The following PHF20 variants were observed in gnomAD, a reference collection of about 807,000 sequenced individuals.
PHF20 encodes PHD finger protein 20.
PHF20 carries 23 observed loss-of-function variants against 113.5 expected under a neutral mutation model. The observed-to-expected ratio is 0.20, with a 90% CI of 0.15 to 0.29. The LOEUF (loss-of-function observed/expected upper bound fraction) is 0.29, where lower values mean the gene tolerates loss of function less well. PHF20 is among the 10% of genes least tolerant of loss of function. PHF20 has a pLI of 1.00. For missense variants in PHF20, 943 were observed against 1,219.6 expected (o/e 0.77, Z 3.38); for synonymous variants, 434 against 457.3 (o/e 0.95, Z 0.65).
intron 1 of PHF20, among the ~76,000 whole-genome samples, chr20:35,792,420 CT>C (rs1453088825): frequency 2.8e-4 from 43 of 151,816 alleles, no homozygotes; most frequent in Non-Finnish European, 3.2e-4. Flanking sequence ...AACTACTGAA[CT>C]CTGGTGATCC....
At chr20:35,838,791 C>T (rs1406988768) in intron 2 of PHF20, among the ~76,000 whole-genome samples, 1 of 150,210 alleles carries the variant, frequency 6.7e-6, no homozygotes, top group Non-Finnish European at 1.5e-5. Context: ...TGTTCAAGAC[C>T]AGCCTGGGCA....
At chr20:35,905,733 C>T (rs2055190681) in intron 10 of PHF20, among the ~76,000 whole-genome samples, 3 of 152,266 alleles carry the variant, frequency 2.0e-5, no homozygotes, top group South Asian at 2.1e-4. Context: ...GACCAGAAGC[C>T]GGGAAGAGGA....
intron 2 of PHF20, among the ~76,000 whole-genome samples, chr20:35,840,447 G>T (rs903960390): frequency 1.3e-5 from 2 of 152,108 alleles, no homozygotes; most frequent in African/African-American, 4.8e-5. Context: ...AGGATTTAAC[G>T]TGGGGAATTG....
intron 2 of PHF20, among the ~76,000 whole-genome samples, chr20:35,814,459 C>T (rs1419343223): frequency 6.6e-6 from 1 of 151,630 alleles, no homozygotes; most frequent in East Asian, 2.0e-4. Flanking sequence ...TCAAGTGATC[C>T]GCCTGCCTTG....
chr20:35,828,128 A>G (rs2042296037), intron 2 of PHF20, among the ~76,000 whole-genome samples: 1 of 152,018 alleles, frequency 6.6e-6, no homozygotes, highest in Admixed American at 6.6e-5. Context: ...GGTTCAAGCA[A>G]TTCTCCTGCC....
At chr20:35,818,301 C>A (rs1404030279) in intron 2 of PHF20, among the ~76,000 whole-genome samples, 1 of 151,218 alleles carries the variant, frequency 6.6e-6, no homozygotes, top group East Asian at 1.9e-4. Context: ...CAAAACAAAA[C>A]AAAAAATTAG....
In PHF20 at chr20:35,899,419, A is replaced by T; in HGVS notation, c.1332A>T (p.Pro444=). ...KTDDFGSSNA[P]AVDLDHKFRC... is the part of the protein sequence containing the mutation. ...ATGATTTTGGGTCATCTAATGCACC[A>T]GCTGTCGACCTAGACCATAAGTTTA... The change falls in exon 10 of 18, where the codon CCA becomes CCT. Residue 444 remains proline, a synonymous_variant. Coordinates refer to ENST00000374012, the MANE Select transcript of PHF20 (RefSeq NM_016436.5). The T allele has an allele frequency of 6.8e-6, 11 of 1,613,932 alleles. No homozygotes were observed. The highest frequency in any genetic ancestry group is 9.3e-6 in the Non-Finnish European group (11 of 1,179,790).
intron 1 of PHF20, among the ~76,000 whole-genome samples, chr20:35,800,604 C>T (rs1251850050): frequency 6.6e-6 from 1 of 152,078 alleles, no homozygotes; most frequent in Admixed American, 6.6e-5. Flanking sequence ...AACCCAATCT[C>T]TACTCAAAAT....
At chr20:35,793,235 T>G (rs1382472087) in intron 1 of PHF20, among the ~76,000 whole-genome samples, 4 of 152,112 alleles carry the variant, frequency 2.6e-5, no homozygotes, top group Non-Finnish European at 5.9e-5. Context: ...TCACTTCCTT[T>G]AGATCTCCTT....
chr20:35,873,494 A>C (rs1325316833), intron 9 of PHF20, among the ~76,000 whole-genome samples: 1 of 128,456 alleles, frequency 7.8e-6, no homozygotes, highest in Non-Finnish European at 1.6e-5. Context: ...TTTAAGACAG[A>C]GTCTTGCTCT....
intron 1 of PHF20, among the ~76,000 whole-genome samples, chr20:35,785,902 G>C (rs1436589033): frequency 1.3e-5 from 2 of 151,480 alleles, no homozygotes; most frequent in Non-Finnish European, 2.9e-5. Flanking sequence ...CATGGTTGCA[G>C]GTGCCTGTCA....
chr20:35,801,374 A>T, intron 1 of PHF20, 117 bp from the exon 2 acceptor site: 1 of 568,940 alleles, frequency 1.8e-6, no homozygotes, highest in South Asian at 2.1e-5. Flanking sequence ...GGACACCAAC[A>T]GGGTTTCATG....
chr20:35,852,200 G>A (rs568638373), intron 4 of PHF20, among the ~76,000 whole-genome samples: 162 of 152,142 alleles, frequency 1.1e-3, no homozygotes, highest in Middle Eastern at 3.2e-3. Context: ...CTAAACTGTC[G>A]TTCCCACAGT....
chr20:35,830,471 A>G (rs1417718891), intron 2 of PHF20, among the ~76,000 whole-genome samples: 1 of 152,198 alleles, frequency 6.6e-6, no homozygotes. Context: ...ATTCCATTGT[A>G]TGGATATACC....
At chr20:35,937,066 C>G (rs750984411) in intron 15 of PHF20, among the ~76,000 whole-genome samples, 43 of 152,040 alleles carry the variant, frequency 2.8e-4, no homozygotes, top group Non-Finnish European at 6.0e-4. Flanking sequence ...AAAGGCAGAC[C>G]AACTTGAGGG....
intron 10 of PHF20, among the ~76,000 whole-genome samples, chr20:35,901,244 G>A (rs867767357): frequency 2.0e-5 from 3 of 151,790 alleles, no homozygotes; most frequent in Admixed American, 6.6e-5. Context: ...ATGAAACCCC[G>A]TCTCTATTAA....
At chr20:35,891,460 GA>G (rs2054858229) in intron 9 of PHF20, among the ~76,000 whole-genome samples, 1 of 151,628 alleles carries the variant, frequency 6.6e-6, no homozygotes, top group African/African-American at 2.4e-5. Flanking sequence ...TATACAAATA[GA>G]AAGGGAAGGA....
rs868809474 is a variant in PHF20 at position 35,950,257 on chromosome 20, C to G, written c.*2630C>G. On this transcript the variant is annotated 3_prime_UTR_variant, in exon 18 of 18. Coordinates refer to ENST00000374012, the MANE Select transcript of PHF20 (RefSeq NM_016436.5). ...CTGTGGATACATATCTATGTTTACG[C>G]GCTATTAGAACAGAAGGCGCTGTAT... 6.6e-6 allele frequency: 1 copy of G among 152,540 alleles called. No homozygotes were observed. Among genetic ancestry groups the G allele is most frequent in the Admixed American group, 6.6e-5 (1 of 15,264 alleles). 9.4% of individuals were successfully genotyped at this position (152,540 alleles called of 1,614,324 possible).
At chr20:35,897,423 GC>G (rs2055006499) in intron 9 of PHF20, among the ~76,000 whole-genome samples, 1 of 152,000 alleles carries the variant, frequency 6.6e-6, no homozygotes, top group South Asian at 2.1e-4. Flanking sequence ...GTCACCTTGA[GC>G]ATTTATTTCT....
Sources: allele counts gnomAD v4.1 joint callset (sites outside exome capture counted in the v4.1 genomes callset), GRCh38; gene constraint gnomAD v4.1.1; transcripts MANE v1.5; gene names NCBI Gene and HGNC (gene_info 2026-07-23, HGNC 2026-07-21).